CDK15: variants seen among roughly 807,000 people sequenced by gnomAD.
CDK15 encodes the protein cyclin dependent kinase 15, also known as cyclin-dependent kinase 15.
CDK15 carries 62 observed loss-of-function variants against 60.3 expected under a neutral mutation model. The observed-to-expected ratio is 1.03, with a 90% CI of 0.84 to 1.27. The LOEUF (loss-of-function observed/expected upper bound fraction) is 1.27, where lower values mean the gene tolerates loss of function less well. Among genes scored for constraint, CDK15 ranks in the 50% most tolerant of loss-of-function variants. The pLI is 0.00. For missense variants in CDK15, 541 were observed against 527.8 expected, an observed-to-expected ratio of 1.03 and a Z score of -0.25; for synonymous variants, 194 against 195.7, an observed-to-expected ratio of 0.99 and a Z score of 0.07.
intron 11 of CDK15, among the ~76,000 whole-genome samples, chr2:201,876,242 C>A (rs1447871552): frequency 6.6e-6 from 1 of 152,162 alleles, no homozygotes; most frequent in African/African-American, 2.4e-5. Flanking sequence ...CAATTGGTAA[C>A]AAGCAAGGCC....
chr2:201,806,766 G>C lies in CDK15; in HGVS notation c.102G>C (p.Glu34Asp). The change falls in exon 1 of 14, where the codon GAG becomes GAC. Residue 34 changes from glutamate to aspartate, a missense_variant. Transcript: ENST00000652192. ...ACAGCTGTCGGAGGAGTCAGCCTGA[G>C]ACCACGGAGGCTGCGTTCAAGGTAT... ...EAHSCRRSQP[E>D]TTEAAFKLTD... 7 of 1,598,520 alleles carry C rather than the reference G, an allele frequency of 4.4e-6. No homozygotes were observed. The highest frequency in any genetic ancestry group is 5.9e-6 in the Non-Finnish European group (7 of 1,179,702).
At position 201,857,098 on chromosome 2, in the gene CDK15, C is replaced by T. The variant is rs1574909300; in HGVS notation, c.1009+2161C>T. 2.5e-5 allele frequency among the ~76,000 whole-genome samples: 2 copies of T among 80,890 alleles called. 1 individual carries two copies. Among genetic ancestry groups the T allele is most frequent in the Non-Finnish European group, 4.4e-5 (2 of 45,158 alleles). The allele number at this position is 80,890 out of a possible 152,430, so 53.1% of individuals were successfully genotyped here. On this transcript the variant is annotated intron_variant, in intron 10 of 13. Transcript: ENST00000652192. ...AAAATTAGCCGGGCGCGGTGGCGGGCGCCTGTAGTCCCAGCTACTCGGGAG... is the reference window on the plus strand; with the variant it reads ...AAAATTAGCCGGGCGCGGTGGCGGGTGCCTGTAGTCCCAGCTACTCGGGAG...
intron 6 of CDK15, among the ~76,000 whole-genome samples, chr2:201,828,621 C>T (rs549669694): frequency 6.6e-6 from 1 of 152,138 alleles, no homozygotes; most frequent in Non-Finnish European, 1.5e-5. Context: ...TATATGGAGG[C>T]ACAAAGGAAG....
intron 10 of CDK15, among the ~76,000 whole-genome samples, chr2:201,860,408 C>G (rs112107298): frequency 4.9e-4 from 75 of 152,312 alleles, no homozygotes; most frequent in African/African-American, 1.6e-3. Context: ...GCATTTTATT[C>G]CTGTCTCTTT....
chr2:201,869,640 G>A (rs1479564709), intron 10 of CDK15, among the ~76,000 whole-genome samples: 1 of 152,126 alleles, frequency 6.6e-6, no homozygotes. Flanking sequence ...AAGCAGCAGA[G>A]TCTGTATTGA....
At chr2:201,887,102 A>G (rs1699477292) in intron 12 of CDK15, among the ~76,000 whole-genome samples, 1 of 152,236 alleles carries the variant, frequency 6.6e-6, no homozygotes, top group Non-Finnish European at 1.5e-5. Flanking sequence ...AATAAAAAGA[A>G]GCAATGTCAC....
In CDK15 at chr2:201,890,803, T is replaced by C. The variant is rs542650426; in HGVS notation, c.1217T>C (p.Val406Ala). 1 of 1,613,028 alleles carries C rather than the reference T, an allele frequency of 6.2e-7. No homozygotes were observed. The highest frequency in any genetic ancestry group is 1.1e-5 in the South Asian group (1 of 90,848). ...CCTACAGAGGAGTCTTTGTTTACAG[T>C]TTCAGGAGTGAGGCTAAAGCCAGAA... is the stretch of plus-strand genomic sequence containing the variant. Reference protein sequence around the residue: ...QLPDEESLFTVSGVRLKPEMC... With the variant: ...QLPDEESLFTASGVRLKPEMC... The change falls in exon 13 of 14, where the codon GTT becomes GCT. Residue 406 changes from valine (V) to alanine (A), a missense_variant. Physicochemically the swap from Val to Ala is moderately conservative, Grantham distance 64. Coordinates refer to ENST00000652192, the MANE Select transcript of CDK15 (RefSeq NM_001366386.2).
At chr2:201,823,311 A>C (rs1696312503) in intron 5 of CDK15, among the ~76,000 whole-genome samples, 1 of 152,210 alleles carries the variant, frequency 6.6e-6, no homozygotes, top group South Asian at 2.1e-4. Context: ...TTTTGGAAGA[A>C]AAAATATTTA....
At chr2:201,880,228 G>A in intron 12 of CDK15, 61 bp downstream of exon 12, 1 of 1,577,872 alleles carries the variant, frequency 6.3e-7, no homozygotes, top group Non-Finnish European at 8.6e-7. Context: ...GTGTGTGTAA[G>A]TCTTGGTGTC....
In CDK15 at chr2:201,821,292, G is replaced by A. The variant is rs553857985; in HGVS notation, c.449-1517G>A. ...GCCGTGCTCTGATTGGCCAGCCCTG[G>A]GTCATATGCCCATTCTTGGGTAGAG... On this transcript the variant is annotated intron_variant, in intron 4 of 13. Transcript: ENST00000652192. Among the ~76,000 whole-genome samples the A allele has an allele frequency of 7.2e-4, 110 of 151,998 alleles. 1 individual carries two copies. The South Asian group carries it at 0.023, about 31-fold the overall frequency.
rs1169036437 is a variant in CDK15, at chr2:201,846,526, G to A, written c.852-855G>A. ...AAAAAATTGCAGAATTGGTGTCAGC[G>A]ACTTGGAAGAAAATTCTGCAAAGAA... On this transcript the variant is annotated intron_variant, in intron 8 of 13. Transcript: ENST00000652192. 4.7e-5 allele frequency among the ~76,000 whole-genome samples: 7 copies of A among 149,588 alleles called. No individual in the cohort carries two copies. In the South Asian group the frequency reaches 8.4e-4, roughly 18 times the overall value.
chr2:201,850,628 T>C (rs555351785), intron 9 of CDK15, among the ~76,000 whole-genome samples: 2 of 152,204 alleles, frequency 1.3e-5, no homozygotes, highest in South Asian at 4.1e-4. Flanking sequence ...GATAACAAAC[T>C]AACTTCATTT....
At chr2:201,817,623 A>G (rs1022371476) in intron 4 of CDK15, among the ~76,000 whole-genome samples, 1 of 152,244 alleles carries the variant, frequency 6.6e-6, no homozygotes, top group Non-Finnish European at 1.5e-5. Context: ...AAACTGAGCC[A>G]AAAATAGGCT....
intron 12 of CDK15, among the ~76,000 whole-genome samples, chr2:201,890,063 A>G (rs545040049): frequency 1.3e-5 from 2 of 152,078 alleles, no homozygotes; most frequent in South Asian, 2.1e-4. Flanking sequence ...AAAGAAAAAA[A>G]AAAAAAAAAA....
In CDK15 at chr2:201,882,199, ATG is replaced by A. The variant is rs374708377; in HGVS notation, c.1198+2049_1198+2050del. 1.6e-4 allele frequency among the ~76,000 whole-genome samples: 24 copies of A among 149,246 alleles called. No homozygotes were observed. The highest frequency in any genetic ancestry group is 1.2e-3 in the East Asian group (6 of 4,996). On this transcript the variant is annotated intron_variant, in intron 12 of 13. Transcript: ENST00000652192. This position sits in a 1 kb window ranked among gnomAD's most constrained non-coding sequence, Gnocchi z 4.0. Reference sequence around the variant, plus strand: ...TATGTGTGTATATGTGTGTGTGCGTATGTGTGTGTGTGTGTGTGAGAGAGAGA... The same window carrying A: ...TATGTGTGTATATGTGTGTGTGCGTATGTGTGTGTGTGTGTGAGAGAGAGA...
chr2:201,821,594 T>G (rs1696221459), intron 4 of CDK15, among the ~76,000 whole-genome samples: 1 of 151,898 alleles, frequency 6.6e-6, no homozygotes, highest in African/African-American at 2.4e-5. Context: ...ATGCTTTGAG[T>G]TTTTATCCTT....
intron 9 of CDK15, 182 bp from the exon 10 acceptor site, chr2:201,854,692 A>G: frequency 1.7e-6 from 1 of 589,296 alleles, no homozygotes; most frequent in South Asian, 2.3e-5. Flanking sequence ...TTTGCCCAAG[A>G]AACCACAAAC....
rs532028279 is a variant in CDK15, at chr2:201,862,113, G to A, written c.1009+7176G>A. Among the ~76,000 whole-genome samples the A allele has an allele frequency of 1.4e-4, 21 of 152,274 alleles. 1 individual carries two copies. The highest frequency in any genetic ancestry group is 1.2e-3 in the South Asian group (6 of 4,818). On this transcript the variant is annotated intron_variant, in intron 10 of 13. Coordinates refer to ENST00000652192, the MANE Select transcript of CDK15 (RefSeq NM_001366386.2). Reference sequence around the variant, plus strand: ...GCCTACCTAAGTCAGTTGTGTGCCCGTTAAGGCTGTTCTTATTTGGTGATG... The same window carrying A: ...GCCTACCTAAGTCAGTTGTGTGCCCATTAAGGCTGTTCTTATTTGGTGATG...
intron 12 of CDK15, among the ~76,000 whole-genome samples, chr2:201,890,177 G>T (rs750178354): frequency 2.0e-5 from 3 of 151,592 alleles, no homozygotes; most frequent in Non-Finnish European, 4.4e-5. Flanking sequence ...TCTAACTAAC[G>T]TCCGGACTCC....
Sources: allele counts gnomAD v4.1 joint callset (sites outside exome capture counted in the v4.1 genomes callset), GRCh38; gene constraint gnomAD v4.1.1; non-coding constraint Gnocchi (gnomAD v3.1); transcripts MANE v1.5; gene names NCBI Gene and HGNC (gene_info 2026-07-23, HGNC 2026-07-21).